The following ATOSA variants were observed in gnomAD, a reference collection of about 807,000 sequenced individuals.
The protein encoded by ATOSA is atos homolog A, also known as atos homolog protein A.
chr15:52,664,816 T>C, the ATOSA span, among the ~76,000 whole-genome samples: 2 of 152,108 alleles, frequency 1.3e-5, no homozygotes, highest in South Asian at 2.1e-4. Flanking sequence ...TGTGCGCCTA[T>C]AGTTTTAGTT....
the ATOSA span, among the ~76,000 whole-genome samples, chr15:52,598,893 C>T: frequency 2.6e-5 from 4 of 152,046 alleles, no homozygotes; most frequent in Admixed American, 6.6e-5. Flanking sequence ...TTACGAGATC[C>T]GGTTGTTTAA....
chr15:52,611,124 A>G, the ATOSA span: 1 of 1,610,764 alleles, frequency 6.2e-7, no homozygotes, highest in Non-Finnish European at 8.5e-7. Context: ...TTGGCCCTAG[A>G]CATACCTGTA....
the ATOSA span, among the ~76,000 whole-genome samples, chr15:52,620,479 T>A: frequency 1.3e-5 from 2 of 152,200 alleles, no homozygotes; most frequent in Non-Finnish European, 2.9e-5. Flanking sequence ...ATGGCTCAAA[T>A]CTACTTCAAT....
chr15:52,626,649 T>G, the ATOSA span, among the ~76,000 whole-genome samples: 1 of 152,116 alleles, frequency 6.6e-6, no homozygotes, highest in Non-Finnish European at 1.5e-5. Flanking sequence ...AGTGACTTGC[T>G]CAGGCATACA....
the ATOSA span, among the ~76,000 whole-genome samples, chr15:52,599,110 T>C: frequency 6.6e-6 from 1 of 152,228 alleles, no homozygotes; most frequent in East Asian, 1.9e-4. Context: ...TGGCCTTTCT[T>C]TATAGCAATG....
chr15:52,612,343 G>A, the ATOSA span, among the ~76,000 whole-genome samples: 9 of 152,028 alleles, frequency 5.9e-5, no homozygotes, highest in South Asian at 1.0e-3. Flanking sequence ...TCTACCTTGT[G>A]GAAAAAGAAC....
chr15:52,593,824 A>C, the ATOSA span: 4 of 1,251,168 alleles, frequency 3.2e-6, no homozygotes, highest in South Asian at 6.4e-5. Context: ...ACTTAGTCTA[A>C]AGGCAGAGAA....
chr15:52,643,323 G>A, the ATOSA span, among the ~76,000 whole-genome samples: 2 of 152,108 alleles, frequency 1.3e-5, no homozygotes, highest in African/African-American at 4.8e-5. Flanking sequence ...CCAGCATCTT[G>A]CTCTGTAGCC....
At chr15:52,629,599 C>G in the ATOSA span, 1 of 393,328 alleles carries the variant, frequency 2.5e-6, no homozygotes, top group Non-Finnish European at 5.1e-6. Context: ...CTCAGGAGTT[C>G]GAGACTAGCC....
At chr15:52,638,280 T>C in the ATOSA span, among the ~76,000 whole-genome samples, 1 of 152,238 alleles carries the variant, frequency 6.6e-6, no homozygotes, top group Non-Finnish European at 1.5e-5. Context: ...TTTCAAATTA[T>C]TTCTTATTTA....
At chr15:52,582,182 G>C in the ATOSA span, 2 of 1,582,320 alleles carry the variant, frequency 1.3e-6, no homozygotes, top group South Asian at 2.4e-5. Context: ...CTGAGGGTTT[G>C]TTGGTGATTC....
chr15:52,602,838 G>T, the ATOSA span, among the ~76,000 whole-genome samples: 1 of 152,166 alleles, frequency 6.6e-6, no homozygotes, highest in African/African-American at 2.4e-5. Context: ...CTTGATTCCT[G>T]TTCTCAGCAG....
the ATOSA span, among the ~76,000 whole-genome samples, chr15:52,636,206 G>C: frequency 9.6e-4 from 144 of 150,038 alleles, no homozygotes; most frequent in African/African-American, 3.5e-3. Context: ...AAATCATAAA[G>C]TATGTTTTCC....
chr15:52,593,697 C>T, the ATOSA span: 3 of 1,557,558 alleles, frequency 1.9e-6, no homozygotes, highest in African/African-American at 1.4e-5. Context: ...AAACCATCAA[C>T]AATGCCGAGA....
chr15:52,626,044 G>C, the ATOSA span, among the ~76,000 whole-genome samples: 1 of 152,190 alleles, frequency 6.6e-6, no homozygotes, highest in Non-Finnish European at 1.5e-5. Flanking sequence ...TTAGAATGCT[G>C]CATGGCTCAT....
the ATOSA span, among the ~76,000 whole-genome samples, chr15:52,642,223 C>A: frequency 6.6e-6 from 1 of 152,142 alleles, no homozygotes; most frequent in Non-Finnish European, 1.5e-5. Flanking sequence ...TCCTGAAATT[C>A]ACAGATCTCT....
the ATOSA span, chr15:52,679,062 A>C: frequency 6.6e-6 from 1 of 152,494 alleles, no homozygotes; most frequent in East Asian, 1.9e-4. Flanking sequence ...CGGAGTATGG[A>C]GCGCAGCGGC....
the ATOSA span, among the ~76,000 whole-genome samples, chr15:52,663,012 A>C: frequency 6.6e-6 from 1 of 152,168 alleles, no homozygotes; most frequent in Non-Finnish European, 1.5e-5. Flanking sequence ...ACTGTCTGAT[A>C]CTAGCAAATG....
At chr15:52,674,993 A>G in the ATOSA span, among the ~76,000 whole-genome samples, 1 of 152,176 alleles carries the variant, frequency 6.6e-6, no homozygotes, top group East Asian at 1.9e-4. Context: ...AATTATTCCC[A>G]TTTTACAGAC....
Sources: allele counts gnomAD v4.1 joint callset (sites outside exome capture counted in the v4.1 genomes callset), GRCh38; gene constraint gnomAD v4.1.1; transcripts MANE v1.5; gene names NCBI Gene and HGNC (gene_info 2026-07-23, HGNC 2026-07-21).